The following ABHD6 variants were observed in gnomAD, a reference collection of about 807,000 sequenced individuals.
ABHD6 encodes abhydrolase domain containing 6, acylglycerol lipase, also known as monoacylglycerol lipase ABHD6.
In ABHD6, 33 loss-of-function variants were observed where a neutral mutation model predicts 38.8. That is an observed-to-expected ratio of 0.85 (90% CI 0.64 to 1.14). The LOEUF is 1.14. Among genes scored for constraint, ABHD6 ranks in the 50% most tolerant of loss-of-function variants. The pLI is 0.00. For synonymous variants in ABHD6, 147 were observed against 161.6 expected (o/e 0.91, Z 0.69); for missense variants, 380 against 422.6 (o/e 0.90, Z 0.88).
chr3:58,247,975 GT>G (rs1329078266), intron 1 of ABHD6, among the ~76,000 whole-genome samples: 2 of 152,224 alleles, frequency 1.3e-5, no homozygotes, highest in Non-Finnish European at 2.9e-5. Context: ...CAGCCCTGCA[GT>G]TTCCCTTCCC....
chr3:58,262,064 A>G (rs1302889243), intron 3 of ABHD6, among the ~76,000 whole-genome samples: 25 of 152,220 alleles, frequency 1.6e-4, no homozygotes, highest in Admixed American at 1.6e-3. Context: ...CTTGAGAACA[A>G]CTGTGCTAAG....
In ABHD6 at chr3:58,275,661, T is replaced by A. The variant is rs546354178; in HGVS notation, c.681+846T>A. Among the ~76,000 whole-genome samples the A allele has an allele frequency of 5.3e-5, 8 of 152,290 alleles. No individual in the cohort carries two copies. In the South Asian group the frequency reaches 1.7e-3, roughly 32 times the overall value. ...TATCCTCTTTTTTATTTTTTAAATA[T>A]ACTTTAAGTTCTAGGGTGCATGTGC... On this transcript the variant is annotated intron_variant, in intron 7 of 9. Transcript: ENST00000478253.
chr3:58,260,818 C>T (rs577462133), intron 3 of ABHD6, among the ~76,000 whole-genome samples: 5 of 152,302 alleles, frequency 3.3e-5, no homozygotes, highest in Admixed American at 6.5e-5. Flanking sequence ...GTCATCACAT[C>T]GTGCAAGCTC....
intron 9 of ABHD6, among the ~76,000 whole-genome samples, chr3:58,289,875 C>CT (rs35297776): frequency 0.38 from 50,202 of 133,394 alleles, 9,849 homozygotes; most frequent in African/African-American, 0.51. Flanking sequence ...CTGACCCCCC[C>CT]ACCTCCCTCC....
intron 9 of ABHD6, among the ~76,000 whole-genome samples, chr3:58,289,650 C>T (rs1023156287): frequency 1.3e-5 from 2 of 152,210 alleles, no homozygotes; most frequent in African/African-American, 4.8e-5. Flanking sequence ...TACACAGACA[C>T]GGCAACCATC....
intron 1 of ABHD6, among the ~76,000 whole-genome samples, chr3:58,240,947 C>G (rs2097422367): frequency 6.6e-6 from 1 of 151,942 alleles, no homozygotes; most frequent in African/African-American, 2.4e-5. Context: ...TCAGGCTGGT[C>G]TCGAACTCCC....
At chr3:58,244,151 G>T (rs1186277962) in intron 1 of ABHD6, among the ~76,000 whole-genome samples, 15 of 152,208 alleles carry the variant, frequency 9.9e-5, no homozygotes, top group African/African-American at 3.4e-4. Flanking sequence ...ACAATGGAAA[G>T]TAAAATTGCA....
chr3:58,275,264 A>G (rs2097447920), intron 7 of ABHD6, among the ~76,000 whole-genome samples: 1 of 151,654 alleles, frequency 6.6e-6, no homozygotes, highest in Non-Finnish European at 1.5e-5. Context: ...GGAGTTAGAA[A>G]GGGAGGCAGG....
In ABHD6 at chr3:58,263,309, GA is replaced by G. The variant is rs2097438356; in HGVS notation, c.120-3878del. 6.6e-6 allele frequency among the ~76,000 whole-genome samples: 1 copy of G among 151,840 alleles called. No individual in the cohort carries two copies. Among genetic ancestry groups the G allele is most frequent in the African/African-American group, 2.4e-5 (1 of 41,302 alleles). On this transcript the variant is annotated intron_variant, in intron 3 of 9. Coordinates refer to ENST00000478253, the MANE Select transcript of ABHD6 (RefSeq NM_001320126.2). The surrounding 1 kb of genome is among the most constrained non-coding windows in gnomAD (Gnocchi z 4.9). ...GGAGGCTGAGGCGGGAGAATCACTTGAACCCGGGAGGTGGAGGTTGCAGTGA... is the reference window on the plus strand; with the variant it reads ...GGAGGCTGAGGCGGGAGAATCACTTGACCCGGGAGGTGGAGGTTGCAGTGA...
chr3:58,267,876 T>C lies in ABHD6; in HGVS notation c.276+531T>C, dbSNP rs2097442221. Among the ~76,000 whole-genome samples the C allele has an allele frequency of 6.6e-6, 1 of 151,546 alleles. No homozygotes were observed. Among genetic ancestry groups the C allele is most frequent in the Non-Finnish European group, 1.5e-5 (1 of 67,904 alleles). On this transcript the variant is annotated intron_variant, in intron 4 of 9. Coordinates refer to ENST00000478253, the MANE Select transcript of ABHD6 (RefSeq NM_001320126.2). The surrounding 1 kb of genome is among the most constrained non-coding windows in gnomAD (Gnocchi z 4.3). ...AGGCAGATCACTTGAGCCCAGGAGT[T>C]TGAGACCAGCCTGGGCAACATAGGG...
intron 6 of ABHD6, among the ~76,000 whole-genome samples, chr3:58,271,799 C>CTGT (rs2097445264): frequency 1.3e-5 from 1 of 79,310 alleles, no homozygotes; most frequent in African/African-American, 5.6e-5. Context: ...TTGAGACAGT[C>CTGT]TGTTGCTCAG....
At chr3:58,276,933 G>A (rs2097449158) in intron 7 of ABHD6, among the ~76,000 whole-genome samples, 1 of 152,140 alleles carries the variant, frequency 6.6e-6, no homozygotes, top group African/African-American at 2.4e-5. Flanking sequence ...TAGATGTGTG[G>A]TGTTATTTCT....
chr3:58,254,140 A>G (rs2097431701), intron 2 of ABHD6, among the ~76,000 whole-genome samples: 1 of 152,202 alleles, frequency 6.6e-6, no homozygotes, highest in African/African-American at 2.4e-5. Context: ...TTGGAGTTAG[A>G]AATCTGTTTT....
rs2097441319 is a variant in ABHD6 at position 58,266,831 on chromosome 3, C to G, written c.120-358C>G. The stretch of plus-strand genomic sequence containing the variant: ...TGTTATGAGGAACAAAGCCAGAGGA[C>G]CAGTGCAGATGGTTCTCAAGAAATA... On this transcript the variant is annotated intron_variant, in intron 3 of 9. Coordinates refer to ENST00000478253, the MANE Select transcript of ABHD6 (RefSeq NM_001320126.2). This position sits in a 1 kb window ranked among gnomAD's most constrained non-coding sequence, Gnocchi z 4.0. Among the ~76,000 whole-genome samples, 1 of 152,170 alleles carries G rather than the reference C, an allele frequency of 6.6e-6. No individual in the cohort carries two copies. The highest frequency in any genetic ancestry group is 2.4e-5 in the African/African-American group (1 of 41,410).
chr3:58,277,187 T>C (rs1019619192), intron 7 of ABHD6, among the ~76,000 whole-genome samples: 9 of 152,190 alleles, frequency 5.9e-5, no homozygotes, highest in Admixed American at 2.6e-4. Context: ...TGGCATTGAA[T>C]CTGTAAATTA....
In ABHD6 at chr3:58,238,995, C is replaced by T. The variant is rs946017182; in HGVS notation, c.-91+1079C>T. Among the ~76,000 whole-genome samples the T allele has an allele frequency of 6.6e-6, 1 of 152,140 alleles. No homozygotes were observed. The highest frequency in any genetic ancestry group is 2.4e-5 in the African/African-American group (1 of 41,422). ...GAATTACCTGCCATACTTTCCCCAA[C>T]AGCCCCTTGAGGTAGGTACCACCGC... On this transcript the variant is annotated intron_variant, in intron 1 of 9. Coordinates refer to ENST00000478253, the MANE Select transcript of ABHD6 (RefSeq NM_001320126.2). The surrounding 1 kb of genome is among the most constrained non-coding windows in gnomAD (Gnocchi z 6.9).
chr3:58,291,875 G>A (rs911343954), intron 9 of ABHD6, among the ~76,000 whole-genome samples: 10 of 152,254 alleles, frequency 6.6e-5, no homozygotes, highest in African/African-American at 2.4e-4. Context: ...ACTTGAGCCC[G>A]GGAGGTCAAG....
At chr3:58,241,605 T>C (rs1278486930) in intron 1 of ABHD6, among the ~76,000 whole-genome samples, 2 of 152,352 alleles carry the variant, frequency 1.3e-5, no homozygotes, top group East Asian at 3.8e-4. Context: ...TGCCTTGTGA[T>C]ATACCCAGAA....
At chr3:58,282,947 T>A (rs553207692) in intron 7 of ABHD6, among the ~76,000 whole-genome samples, 2 of 152,300 alleles carry the variant, frequency 1.3e-5, no homozygotes, top group African/African-American at 4.8e-5. Context: ...TTGAAGGTTA[T>A]GGGACTGAAT....
Sources: allele counts gnomAD v4.1 joint callset (sites outside exome capture counted in the v4.1 genomes callset), GRCh38; gene constraint gnomAD v4.1.1; non-coding constraint Gnocchi (gnomAD v3.1); transcripts MANE v1.5; gene names NCBI Gene and HGNC (gene_info 2026-07-23, HGNC 2026-07-21).